The following COL7A1 variants were observed in gnomAD, a reference collection of about 807,000 sequenced individuals.
COL7A1 encodes the protein collagen alpha-1(VII) chain.
In COL7A1, 296 loss-of-function variants were observed where a neutral mutation model predicts 456.2. That is an observed-to-expected ratio of 0.65 (90% CI 0.59 to 0.71). The LOEUF is 0.71. Among genes scored for constraint, COL7A1 ranks in the 30% least tolerant of loss-of-function variants. The pLI is 0.00. For synonymous variants in COL7A1, 1,464 were observed against 1,525.9 expected, an observed-to-expected ratio of 0.96 and a Z score of 0.95; for missense variants, 3,441 against 4,017.2, an observed-to-expected ratio of 0.86 and a Z score of 3.88.
chr3:48,572,311 A>G lies in COL7A1; in HGVS notation c.6978+69T>C. ...TGAGGGTGGGTAAACTATGGGTCGA[A>G]GGTCAGAAGTTAGGCCACTGGAGAG... On this transcript the variant is annotated intron_variant, in intron 90 of 118. Coordinates refer to ENST00000681320, the MANE Select transcript of COL7A1 (RefSeq NM_000094.4). The surrounding 1 kb of genome is among the most constrained non-coding windows in gnomAD (Gnocchi z 4.6). The G allele has an allele frequency of 6.2e-7, 1 of 1,613,534 alleles. No homozygotes were observed. The highest frequency in any genetic ancestry group is 8.5e-7 in the Non-Finnish European group (1 of 1,179,480).
At position 48,583,406 on chromosome 3, in the gene COL7A1, G is replaced by A. The variant is rs2044930547; in HGVS notation, c.4424C>T (p.Ala1475Val). Residue 1475 changes from alanine (A) to valine (V), a missense_variant, in exon 42 of 119, where the codon GCT (alanine) becomes GTT (valine). This residue lies in a region of COL7A1 where 2,084 missense variants were observed against 2,501.3 expected (regional missense o/e 0.83). Coordinates refer to ENST00000681320, the MANE Select transcript of COL7A1 (RefSeq NM_000094.4). The surrounding 1 kb of genome is among the most constrained non-coding windows in gnomAD (Gnocchi z 5.1). ...GEQGPRGPPG[A>V]IGPKGDRGFP... Reference sequence around the variant, plus strand: ...ACTGGTACTCACTTTGGGGCCAATAGCTCCAGGAGGTCCCCGTGGGCCCTG... The same window carrying A: ...ACTGGTACTCACTTTGGGGCCAATAACTCCAGGAGGTCCCCGTGGGCCCTG... 6.2e-7 allele frequency: 1 copy of A among 1,614,160 alleles called. No individual in the cohort carries two copies. The highest frequency in any genetic ancestry group is 8.5e-7 in the Non-Finnish European group (1 of 1,180,006).
chr3:48,574,341 G>A lies in COL7A1; in HGVS notation c.6457-35C>T, dbSNP rs773546725. On this transcript the variant is annotated intron_variant, in intron 79 of 118. Transcript: ENST00000681320. The surrounding 1 kb of genome is among the most constrained non-coding windows in gnomAD (Gnocchi z 5.0). ...ATAGGTTTAAGGCCTTAGTTTCCCA[G>A]TTCCAACTTCCCCTCCACCCACCAT... The A allele has an allele frequency of 1.1e-5, 17 of 1,613,958 alleles. No homozygotes were observed. Among genetic ancestry groups the A allele is most frequent in the Non-Finnish European group, 5.1e-6 (6 of 1,179,996 alleles).
chr3:48,575,372 C>T lies in COL7A1; in HGVS notation c.6147G>A (p.Gly2049=). The change falls in exon 74 of 119, where the codon GGG becomes GGA. Residue 2049 remains glycine, a synonymous_variant. Coordinates refer to ENST00000681320, the MANE Select transcript of COL7A1 (RefSeq NM_000094.4). The surrounding 1 kb of genome is among the most constrained non-coding windows in gnomAD (Gnocchi z 6.3). The part of the protein sequence containing the change: ...PGIPGLPGRA[G]GVGEAGRPGE... ...CTGGCCTTCCTGCCTCTCCCACACC[C>T]CCAGCCCTGCCTGGGAGCCCGGGAA... 1 of 1,612,182 alleles carries T rather than the reference C, an allele frequency of 6.2e-7. No homozygotes were observed. The highest frequency in any genetic ancestry group is 8.5e-7 in the Non-Finnish European group (1 of 1,179,352).
At position 48,583,274 on chromosome 3, in the gene COL7A1, C is replaced by T. The variant is rs1430308522; in HGVS notation, c.4438-103G>A. ...GGTCCCAAACTCCAACCACCCCCTC[C>T]AAAACCACGACCTCTGACCTGGAGG... On this transcript the variant is annotated intron_variant, in intron 42 of 118. Coordinates refer to ENST00000681320, the MANE Select transcript of COL7A1 (RefSeq NM_000094.4). This position sits in a 1 kb window ranked among gnomAD's most constrained non-coding sequence, Gnocchi z 5.1. The T allele has an allele frequency of 4.4e-6, 7 of 1,604,114 alleles. No individual in the cohort carries two copies. The highest frequency in any genetic ancestry group is 5.1e-6 in the Non-Finnish European group (6 of 1,173,692).
chr3:48,564,146 G>T lies in COL7A1; in HGVS notation c.*260C>A. 1.7e-6 allele frequency: 1 copy of T among 584,392 alleles called. No homozygotes were observed. The highest frequency in any genetic ancestry group is 2.6e-5 in the Admixed American group (1 of 37,822). The allele number at this position is 584,392 out of a possible 1,614,324, so 36.2% of individuals were successfully genotyped here. A position where few individuals can be genotyped will look rare whatever the true frequency, so the allele number is the denominator to read the frequency against. The stretch of plus-strand genomic sequence containing the variant: ...ATCACAGGCTTGGGTCAAGGGGCGG[G>T]TCAGACGCCAGTCACATCCGCTCAC... On this transcript the variant is annotated 3_prime_UTR_variant, in exon 119 of 119. Coordinates refer to ENST00000681320, the MANE Select transcript of COL7A1 (RefSeq NM_000094.4). This position sits in a 1 kb window ranked among gnomAD's most constrained non-coding sequence, Gnocchi z 6.0.
chr3:48,582,523 G>C lies in COL7A1; in HGVS notation c.4564-10C>G, dbSNP rs2044839155. ...TGGGTCCTGGTGGCCCCTGAATGTA[G>C]AGAAAGTGTGAGCCCAGGAGGGGAA... On this transcript the variant is annotated splice_polypyrimidine_tract_variant and intron_variant, in intron 45 of 118. Transcript: ENST00000681320. The C allele has an allele frequency of 6.2e-7, 1 of 1,614,042 alleles. No homozygotes were observed. Among genetic ancestry groups the C allele is most frequent in the East Asian group, 2.2e-5 (1 of 44,878 alleles).
Position 48,592,084 on chromosome 3 carries a change from A to C in COL7A1, c.1240+18T>G, listed in dbSNP as rs774514157. 3 of 1,614,138 alleles carry C rather than the reference A, an allele frequency of 1.9e-6. No homozygotes were observed. The highest frequency in any genetic ancestry group is 2.5e-6 in the Non-Finnish European group (3 of 1,180,008). On this transcript the variant is annotated intron_variant, in intron 10 of 118. Coordinates refer to ENST00000681320, the MANE Select transcript of COL7A1 (RefSeq NM_000094.4). This position sits in a 1 kb window ranked among gnomAD's most constrained non-coding sequence, Gnocchi z 7.6. ...TGCCTGCCCGTCCCAGCCTGAAGAA[A>C]GTGCCCAGCCTTCTCACCAGTGCGA...
Position 48,581,899 on chromosome 3 carries a change from T to C in COL7A1, c.4668+12A>G. The C allele has an allele frequency of 2.5e-6, 4 of 1,614,002 alleles. No homozygotes were observed. Among genetic ancestry groups the C allele is most frequent in the Non-Finnish European group, 3.4e-6 (4 of 1,180,000 alleles). ...CCTGTAGAAACCTCCCCTTGCCCCA[T>C]ACCAGGCTTACCTTTTCTCCTTTGG... On this transcript the variant is annotated intron_variant, in intron 48 of 118. Transcript: ENST00000681320. This position sits in a 1 kb window ranked among gnomAD's most constrained non-coding sequence, Gnocchi z 5.8.
In COL7A1 at chr3:48,594,275, A is replaced by C; in HGVS notation, c.266+93T>G. 3 of 1,477,226 alleles carry C rather than the reference A, an allele frequency of 2.0e-6. No individual in the cohort carries two copies. The South Asian group carries it at 3.5e-5, about 17-fold the overall frequency. The allele number at this position is 1,477,226 out of a possible 1,614,324, so 91.5% of individuals were successfully genotyped here. A position where few individuals can be genotyped will look rare whatever the true frequency, so the allele number is the denominator to read the frequency against. ...TTCCCCAAAACTTGTTTCTGCAAAG[A>C]CCTGGCCTGGGGTTTCCAGGGTCTC... is the stretch of plus-strand genomic sequence containing the variant. On this transcript the variant is annotated intron_variant, in intron 3 of 118. Transcript: ENST00000681320. The surrounding 1 kb of genome is among the most constrained non-coding windows in gnomAD (Gnocchi z 5.5).
Position 48,571,840 on chromosome 3 carries a change from C to T in COL7A1, c.7068+161G>A, listed in dbSNP as rs865975214. 11 of 868,088 alleles carry T rather than the reference C, an allele frequency of 1.3e-5. No homozygotes were observed. The highest frequency in any genetic ancestry group is 6.8e-4 in the Middle Eastern group (2 of 2,924). 53.8% of individuals were successfully genotyped at this position (868,088 alleles called of 1,614,324 possible). A position where few individuals can be genotyped will look rare whatever the true frequency, so the allele number is the denominator to read the frequency against. On this transcript the variant is annotated intron_variant, in intron 92 of 118. Coordinates refer to ENST00000681320, the MANE Select transcript of COL7A1 (RefSeq NM_000094.4). This position sits in a 1 kb window ranked among gnomAD's most constrained non-coding sequence, Gnocchi z 4.6. ...CCAGAGCTCAGAGTGTGGAAGCCGACAGTGTGTGGCTCCCTGTGATCCAGA... is the reference window on the plus strand; with the variant it reads ...CCAGAGCTCAGAGTGTGGAAGCCGATAGTGTGTGGCTCCCTGTGATCCAGA...
In COL7A1 at chr3:48,575,102, G is replaced by A. The variant is rs772966335; in HGVS notation, c.6241C>T (p.Pro2081Ser). The A allele has an allele frequency of 5.6e-6, 9 of 1,613,732 alleles. No individual in the cohort carries two copies. The highest frequency in any genetic ancestry group is 7.6e-6 in the Non-Finnish European group (9 of 1,179,804). ...EQGRDGPPGL[P>S]GTPGPPGPPG... ...GGTCCGGGGGGCCCAGGGGTTCCAGGGAGTCCAGGAGGGCCATCTCTGCCC... is the reference window on the plus strand; with the variant it reads ...GGTCCGGGGGGCCCAGGGGTTCCAGAGAGTCCAGGAGGGCCATCTCTGCCC... The change falls in exon 76 of 119, where the codon CCT (proline) becomes TCT (serine). Residue 2081 changes from proline to serine, a missense_variant. Pro to Ser is a moderately conservative substitution (Grantham distance 74). Around this residue, in one of 3 missense-constraint regions of COL7A1, gnomAD observed 2,084 missense variants for 2,501.3 expected, o/e 0.83. Transcript: ENST00000681320. The surrounding 1 kb of genome is among the most constrained non-coding windows in gnomAD (Gnocchi z 6.3).
In COL7A1 at chr3:48,590,211, A is replaced by G. The variant is rs113750125; in HGVS notation, c.2050+2T>C. 1.9e-6 allele frequency: 3 copies of G among 1,611,648 alleles called. No homozygotes were observed. Among genetic ancestry groups the G allele is most frequent in the Non-Finnish European group, 2.5e-6 (3 of 1,179,274 alleles). ...AGCCAAGGGACGGGGGCAGGGCCTG[A>G]CCCGTTCGAGCCACGATGACTGCAG... On this transcript the variant is annotated splice_donor_variant, in intron 16 of 118. Transcript: ENST00000681320. LOFTEE classifies it high-confidence loss of function. The surrounding 1 kb of genome is among the most constrained non-coding windows in gnomAD (Gnocchi z 4.6).
In COL7A1 at chr3:48,566,309, C is replaced by T. The variant is rs1037781830; in HGVS notation, c.8365G>A (p.Asp2789Asn). The change falls in exon 114 of 119, where the codon GAC becomes AAC. Residue 2789 changes from aspartate (D) to asparagine (N), a missense_variant. This residue lies in a region of COL7A1 where 2,084 missense variants were observed against 2,501.3 expected (regional missense o/e 0.83). Transcript: ENST00000681320. This position sits in a 1 kb window ranked among gnomAD's most constrained non-coding sequence, Gnocchi z 5.9. ...TCTTGGCGCACAAAGCCCCGGATGTCATCCTCCTGGGAGCAGAAGACCACA... is the reference window on the plus strand; with the variant it reads ...TCTTGGCGCACAAAGCCCCGGATGTTATCCTCCTGGGAGCAGAAGACCACA... ...EKGEAALTEDDIRGFVRQEMS... is the reference protein window; with the variant it reads ...EKGEAALTEDNIRGFVRQEMS... 3.1e-6 allele frequency: 5 copies of T among 1,604,604 alleles called. No homozygotes were observed. Among genetic ancestry groups the T allele is most frequent in the Admixed American group, 1.7e-5 (1 of 57,960 alleles).
chr3:48,583,160 G>A lies in COL7A1; in HGVS notation c.4449C>T (p.Gly1483=), dbSNP rs752791209. Residue 1483 remains glycine (G), a synonymous_variant, in exon 43 of 119, where the codon GGC becomes GGT. Transcript: ENST00000681320. The surrounding 1 kb of genome is among the most constrained non-coding windows in gnomAD (Gnocchi z 5.1). ...PGAIGPKGDR[G]FPGPLGEAGE... ...CAGCCTCACCCAGGGGCCCTGGAAA[G>A]CCCCGGTCACCCTGAAGAGAGAGGG... 1.2e-6 allele frequency: 2 copies of A among 1,613,918 alleles called. No individual in the cohort carries two copies. Among genetic ancestry groups the A allele is most frequent in the Middle Eastern group, 1.6e-4 (1 of 6,062 alleles).
rs761810985 is a variant in COL7A1 at position 48,585,123 on chromosome 3, A to T, written c.3895-7T>A. 1 of 1,610,702 alleles carries T rather than the reference A, an allele frequency of 6.2e-7. No homozygotes were observed. The highest frequency in any genetic ancestry group is 8.5e-7 in the Non-Finnish European group (1 of 1,179,714). ...CATCTGCTCCAGGGAAGCCCTGAGG[A>T]GGTGAAGAGGTCAGGACAGGAAGGG... On this transcript the variant is annotated splice_region_variant and splice_polypyrimidine_tract_variant and intron_variant, in intron 32 of 118. Coordinates refer to ENST00000681320, the MANE Select transcript of COL7A1 (RefSeq NM_000094.4). The surrounding 1 kb of genome is among the most constrained non-coding windows in gnomAD (Gnocchi z 4.5).
Position 48,568,747 on chromosome 3 carries a change from G to A in COL7A1, c.7758+37C>T, listed in dbSNP as rs1337903750. 1 of 1,551,382 alleles carries A rather than the reference G, an allele frequency of 6.4e-7. No individual in the cohort carries two copies. The highest frequency in any genetic ancestry group is 8.7e-7 in the Non-Finnish European group (1 of 1,146,056). On this transcript the variant is annotated intron_variant, in intron 104 of 118. Transcript: ENST00000681320. This position sits in a 1 kb window ranked among gnomAD's most constrained non-coding sequence, Gnocchi z 5.2. ...ATGTGTGTGTGTGATGCTGGCTCTG[G>A]ACCTGGGCCTGGGCCTGGGCCTGGG...
At position 48,573,459 on chromosome 3, in the gene COL7A1, G is replaced by A; in HGVS notation, c.6618+54C>T. ...AGGAGGTTGGCGCACACTACCCCAG[G>A]CATGGACACAGCTTGAAGGAGCCTC... On this transcript the variant is annotated intron_variant, in intron 83 of 118. Transcript: ENST00000681320. This position sits in a 1 kb window ranked among gnomAD's most constrained non-coding sequence, Gnocchi z 5.5. 6.2e-7 allele frequency: 1 copy of A among 1,613,558 alleles called. No homozygotes were observed. The highest frequency in any genetic ancestry group is 8.5e-7 in the Non-Finnish European group (1 of 1,179,588).
chr3:48,575,685 G>A lies in COL7A1; in HGVS notation c.5920C>T (p.Pro1974Ser). 6.2e-7 allele frequency: 1 copy of A among 1,613,670 alleles called. No homozygotes were observed. Residue 1974 changes from proline (P) to serine (S), a missense_variant, in exon 73 of 119, where the codon CCC (proline) becomes TCC (serine). By Grantham distance (74) the Pro-to-Ser change is moderately conservative. This residue lies in a region of COL7A1 where 2,084 missense variants were observed against 2,501.3 expected (regional missense o/e 0.83). Coordinates refer to ENST00000681320, the MANE Select transcript of COL7A1 (RefSeq NM_000094.4). This position sits in a 1 kb window ranked among gnomAD's most constrained non-coding sequence, Gnocchi z 6.3. ...CCCTTGGGGCCTCGACGCCGTTCGG[G>A]CACAGGCAGGAAGCTACCAGAGCTC... ...DESSGSFLPV[P>S]ERRRGPKGDS...
rs2045611188 is a variant in COL7A1, at chr3:48,590,432, C to G, written c.1906+27G>C. ...CCCATACCCTCATTGGTCCCTTTGGCAGTCCCCCCACACACCCCACACTGA... is the reference window on the plus strand; with the variant it reads ...CCCATACCCTCATTGGTCCCTTTGGGAGTCCCCCCACACACCCCACACTGA... On this transcript the variant is annotated intron_variant, in intron 15 of 118. Transcript: ENST00000681320. The surrounding 1 kb of genome is among the most constrained non-coding windows in gnomAD (Gnocchi z 4.6). 1 of 1,614,018 alleles carries G rather than the reference C, an allele frequency of 6.2e-7. No homozygotes were observed. The highest frequency in any genetic ancestry group is 1.1e-5 in the South Asian group (1 of 91,092).
Sources: gnomAD v4.1 joint callset for allele counts on GRCh38, gnomAD v4.1.1 for gene constraint, gnomAD v4.1.1 regional missense constraint, Gnocchi (gnomAD v3.1) non-coding constraint, MANE v1.5 for transcripts, NCBI Gene and HGNC (gene_info 2026-07-23, HGNC 2026-07-21) for gene names.